Variants in WASF3 observed in about 807,000 individuals in gnomAD.
WASF3 encodes the protein actin-binding protein WASF3.
A neutral mutation model predicts 46.6 loss-of-function variants in WASF3; 11 were observed. The ratio of observed to expected loss-of-function variants is 0.24; its 90% CI spans 0.15 to 0.39. The LOEUF is 0.39. Among genes scored for constraint, WASF3 ranks in the 10% least tolerant of loss-of-function variants. The pLI is 1.00. For missense variants in WASF3, 576 were observed against 669.8 expected, an observed-to-expected ratio of 0.86 and a Z score of 1.55; for synonymous variants, 242 against 259.7, an observed-to-expected ratio of 0.93 and a Z score of 0.65.
intron 2 of WASF3, chr13:26,639,701 A>G (rs1042673671): frequency 2.6e-5 from 4 of 152,284 alleles, no homozygotes; most frequent in African/African-American, 7.2e-5. Flanking sequence ...AATGTGAGGT[A>G]TAGTGAGGTC....
At chr13:26,572,859 A>G (rs1013308898) in intron 1 of WASF3, among the ~76,000 whole-genome samples, 1 of 152,134 alleles carries the variant, frequency 6.6e-6, no homozygotes, top group African/African-American at 2.4e-5. Context: ...GGCCTGGTAT[A>G]AACTCTTAAT....
At chr13:26,683,263 G>T (rs1883298364) in intron 9 of WASF3, among the ~76,000 whole-genome samples, 1 of 152,086 alleles carries the variant, frequency 6.6e-6, no homozygotes, top group Non-Finnish European at 1.5e-5. Flanking sequence ...CTTGAGCCCA[G>T]GAGTTTGAGA....
intron 5 of WASF3, among the ~76,000 whole-genome samples, chr13:26,669,629 T>G (rs1388261445): frequency 6.6e-6 from 1 of 152,156 alleles, no homozygotes; most frequent in Non-Finnish European, 1.5e-5. Flanking sequence ...TTCTCCTGCC[T>G]CAGCCTCCCA....
intron 3 of WASF3, among the ~76,000 whole-genome samples, chr13:26,657,887 G>A (rs988231147): frequency 1.3e-5 from 2 of 152,134 alleles, no homozygotes; most frequent in Non-Finnish European, 2.9e-5. Context: ...TCAGCTTTCA[G>A]CAGCTGGCAA....
Position 26,627,459 on chromosome 13 carries a change from A to G in WASF3, c.-11+14401A>G, listed in dbSNP as rs572824130. On this transcript the variant is annotated intron_variant, in intron 2 of 9. Coordinates refer to ENST00000335327, the MANE Select transcript of WASF3 (RefSeq NM_006646.6). ...CCATTTCCTGTAACTAATATCCTCA[A>G]TATCTATCTGGTTCTTTGTTTTGGT... 2.9e-4 allele frequency among the ~76,000 whole-genome samples: 44 copies of G among 152,216 alleles called. No individual in the cohort carries two copies. In the South Asian group the frequency reaches 6.8e-3, roughly 24 times the overall value.
At chr13:26,563,074 T>C (rs1879350196) in intron 1 of WASF3, among the ~76,000 whole-genome samples, 2 of 151,558 alleles carry the variant, frequency 1.3e-5, no homozygotes, top group South Asian at 4.2e-4. Flanking sequence ...CTAGGTGCCA[T>C]TGTGTCTCCA....
At chr13:26,544,754 G>A in the WASF3 span, among the ~76,000 whole-genome samples, 1 of 152,166 alleles carries the variant, frequency 6.6e-6, no homozygotes, top group Non-Finnish European at 1.5e-5. Flanking sequence ...AGGACTGCAG[G>A]ACTCCACGTC....
intron 3 of WASF3, among the ~76,000 whole-genome samples, chr13:26,646,557 A>G (rs1882156581): frequency 6.6e-6 from 1 of 150,810 alleles, no homozygotes; most frequent in South Asian, 2.1e-4. Flanking sequence ...CCTTACCTCC[A>G]CTCCCCACAG....
intron 1 of WASF3, among the ~76,000 whole-genome samples, chr13:26,590,255 A>T (rs1880251466): frequency 6.6e-6 from 1 of 152,190 alleles, no homozygotes; most frequent in Non-Finnish European, 1.5e-5. Context: ...TAAATCACAG[A>T]GAAAAAAGTA....
In WASF3 at chr13:26,559,808, C is replaced by CT. The variant is rs770616922; in HGVS notation, c.-109+2015dup. Among the ~76,000 whole-genome samples the CT allele has an allele frequency of 5.7e-3, 422 of 73,426 alleles. 26 individuals carry two copies. The highest frequency in any genetic ancestry group is 0.018 in the Admixed American group (92 of 5,098). The allele number at this position is 73,426 out of a possible 152,430, so 48.2% of individuals were successfully genotyped here. On this transcript the variant is annotated intron_variant, in intron 1 of 9. Coordinates refer to ENST00000335327, the MANE Select transcript of WASF3 (RefSeq NM_006646.6). ...TTTTCTTTTCTTTCTTTCTTTCTTT[C>CT]TTTTTTTTTTTTTTTTTTTTTTTTT... is the stretch of plus-strand genomic sequence containing the variant.
the WASF3 span, among the ~76,000 whole-genome samples, chr13:26,544,727 TGAA>T: frequency 4.6e-4 from 70 of 152,306 alleles, 1 homozygote; most frequent in Middle Eastern, 0.027. Context: ...GTCTGTTTGG[TGAA>T]GTCGGCTACC....
intron 1 of WASF3, among the ~76,000 whole-genome samples, chr13:26,582,705 C>T (rs530555802): frequency 1.5e-5 from 2 of 135,304 alleles, no homozygotes; most frequent in African/African-American, 5.4e-5. Flanking sequence ...AAAAAGCCTA[C>T]CTCACAGTGT....
chr13:26,681,453 G>A (rs781284585), intron 8 of WASF3, 133 bp downstream of exon 8: 6 of 1,093,604 alleles, frequency 5.5e-6, no homozygotes, highest in Non-Finnish European at 7.6e-6. Flanking sequence ...GTAGATACTA[G>A]CAACTCTAAC....
chr13:26,661,182 A>G (rs1021719564), intron 3 of WASF3, among the ~76,000 whole-genome samples: 1 of 152,202 alleles, frequency 6.6e-6, no homozygotes, highest in Admixed American at 6.5e-5. Flanking sequence ...GTAGCAAGTA[A>G]TGTTAACCAC....
intron 1 of WASF3, among the ~76,000 whole-genome samples, chr13:26,581,716 A>T (rs1879985246): frequency 6.6e-6 from 1 of 152,142 alleles, no homozygotes; most frequent in Non-Finnish European, 1.5e-5. Flanking sequence ...TGGCTTTTTT[A>T]AAAAATTAGC....
intron 3 of WASF3, among the ~76,000 whole-genome samples, chr13:26,664,801 T>C (rs1052931698): frequency 6.6e-6 from 1 of 152,276 alleles, no homozygotes; most frequent in Non-Finnish European, 1.5e-5. Context: ...GATTCTATAC[T>C]GTCTGGGATA....
chr13:26,673,451 C>G (rs78013810), intron 6 of WASF3, among the ~76,000 whole-genome samples: 1,898 of 152,248 alleles, frequency 0.012, 38 homozygotes, highest in African/African-American at 0.043. Context: ...GATTACCACC[C>G]TCATGGAGAG....
At chr13:26,566,506 A>G (rs1459256026) in intron 1 of WASF3, among the ~76,000 whole-genome samples, 3 of 152,232 alleles carry the variant, frequency 2.0e-5, no homozygotes, top group African/African-American at 7.2e-5. Context: ...AATAACTGCA[A>G]GATTTCAGTG....
In WASF3 at chr13:26,682,685, A is replaced by G; in HGVS notation, c.1062A>G (p.Ser354=). The part of the protein sequence containing the change: ...PPPPPPPVIP[S]AQTAFVSPLQ... The stretch of plus-strand genomic sequence containing the variant: ...CGCCACCTCCTCCTGTGATTCCCTC[A>G]GCACAAACTGCCTTCGTCAGCCCTC... The change falls in exon 9 of 10, where the codon TCA becomes TCG. Residue 354 remains serine (S), a synonymous_variant. Coordinates refer to ENST00000335327, the MANE Select transcript of WASF3 (RefSeq NM_006646.6). This position sits in a 1 kb window ranked among gnomAD's most constrained non-coding sequence, Gnocchi z 4.4. 6.2e-7 allele frequency: 1 copy of G among 1,614,042 alleles called. No homozygotes were observed. Among genetic ancestry groups the G allele is most frequent in the Non-Finnish European group, 8.5e-7 (1 of 1,179,998 alleles).
Sources: allele counts gnomAD v4.1 joint callset (sites outside exome capture counted in the v4.1 genomes callset), GRCh38; gene constraint gnomAD v4.1.1; non-coding constraint Gnocchi (gnomAD v3.1); transcripts MANE v1.5; gene names NCBI Gene and HGNC (gene_info 2026-07-23, HGNC 2026-07-21).